The following PARP10 variants were observed in gnomAD, a reference collection of about 807,000 sequenced individuals.
PARP10 encodes poly(ADP-ribose) polymerase family member 10, also known as protein mono-ADP-ribosyltransferase PARP10.
Under a neutral mutation model 82.4 loss-of-function variants are expected in PARP10, and 56 were observed. The observed-to-expected ratio is 0.68, with a 90% confidence interval of 0.55 to 0.85. The LOEUF (loss-of-function observed/expected upper bound fraction) is 0.85, where lower values mean the gene tolerates loss of function less well. Ranked by LOEUF, PARP10 falls within the 40% of genes least tolerant of loss-of-function variation. The probability of loss-of-function intolerance (pLI) is 0.00; values close to 1 mark genes in which losing one functional copy is unlikely to be tolerated. For missense variants in PARP10, 1,227 were observed against 1,379.4 expected (o/e 0.89, Z 1.75); for synonymous variants, 576 against 601.1 (o/e 0.96, Z 0.61).
Position 143,977,571 on chromosome 8 carries a change from C to T in PARP10, c.2991G>A (p.Leu997=). 6.4e-7 allele frequency: 1 copy of T among 1,573,964 alleles called. No individual in the cohort carries two copies. ...IFVIFHDTQA[L]PTHLITCEHV... The stretch of plus-strand genomic sequence containing the variant: ...GCTCGCAGGTGATGAGGTGGGTGGG[C>T]AGCGCCTGGGTGTCGTGGAAGATGA... The change falls in exon 11 of 11, where the codon CTG becomes CTA. Residue 997 remains leucine, a synonymous_variant. Transcript: ENST00000313028.
intron 1 of PARP10, among the ~76,000 whole-genome samples, chr8:144,002,099 C>G (rs1554751738): frequency 6.6e-6 from 1 of 152,068 alleles, no homozygotes; most frequent in East Asian, 1.9e-4. Flanking sequence ...GATAATTGTA[C>G]AAGCTGGGTG....
At chr8:143,978,168 C>T in intron 9 of PARP10, 87 bp from the exon 10 acceptor site, 1 of 1,400,730 alleles carries the variant, frequency 7.1e-7, no homozygotes, top group Non-Finnish European at 9.4e-7. Context: ...CAACCAGGAG[C>T]CCTCTGTTGG....
At position 144,008,318 on chromosome 8, in the gene PARP10, A is replaced by T. The variant is rs187340793; in HGVS notation, c.-80+4212T>A. 6.6e-6 allele frequency among the ~76,000 whole-genome samples: 1 copy of T among 152,314 alleles called. No individual in the cohort carries two copies. On this transcript the variant is annotated intron_variant, in intron 1 of 3. Coordinates refer to the PARP10 transcript ENST00000530478. The surrounding 1 kb of genome is among the most constrained non-coding windows in gnomAD (Gnocchi z 4.0). ...TTCGGCAACTTTATGCCTTGAAAAG[A>T]CGGCTTCAGAAGGAAACTTATTAAA...
rs1346963195 is a variant in PARP10, at chr8:144,008,440, G to C, written c.-80+4090C>G. ...GAATCAAATGAGGCAAATTTGAATG[G>C]GGACAAACTGTGCAAAAGCCAGTGA... On this transcript the variant is annotated intron_variant, in intron 1 of 3. Transcript: ENST00000530478. The surrounding 1 kb of genome is among the most constrained non-coding windows in gnomAD (Gnocchi z 4.0). 2.0e-5 allele frequency among the ~76,000 whole-genome samples: 3 copies of C among 152,220 alleles called. No individual in the cohort carries two copies. The highest frequency in any genetic ancestry group is 7.2e-5 in the African/African-American group (3 of 41,458).
chr8:144,007,451 C>T (rs1457350039), intron 1 of PARP10, among the ~76,000 whole-genome samples: 1 of 152,214 alleles, frequency 6.6e-6, no homozygotes, highest in Admixed American at 6.5e-5. Flanking sequence ...GTTTCAACTG[C>T]TGGTATACAG....
chr8:143,994,149 C>T (rs1381276784), upstream of PARP10, among the ~76,000 whole-genome samples: 4 of 152,236 alleles, frequency 2.6e-5, no homozygotes, highest in East Asian at 1.9e-4. Flanking sequence ...CTGCATGCAG[C>T]GTGGCCTGAG....
intron 1 of PARP10, among the ~76,000 whole-genome samples, chr8:144,003,749 G>A (rs1420291360): frequency 2.0e-5 from 3 of 152,138 alleles, no homozygotes; most frequent in South Asian, 2.1e-4. Context: ...CATAGGGGCC[G>A]GCGCAGTGGC....
In PARP10 at chr8:143,985,957, G is replaced by T. The variant is rs1554749257; in HGVS notation, c.200C>A (p.Ala67Asp). 22 of 1,587,204 alleles carry T rather than the reference G, an allele frequency of 1.4e-5. No individual in the cohort carries two copies. Among genetic ancestry groups the T allele is most frequent in the Non-Finnish European group, 1.8e-5 (21 of 1,162,884 alleles). ...REPADAERVL[A>D]QADHELHGAQ... ...ACCATGTAGTTCGTGATCTGCCTGG[G>T]CCAAGACCCTCTCGGCGTCTGTGGG... Residue 67 changes from alanine (A) to aspartate (D), a missense_variant, in exon 3 of 11, where the codon GCC becomes GAC. Coordinates refer to ENST00000313028, the MANE Select transcript of PARP10 (RefSeq NM_032789.5).
chr8:143,983,144 C>T, intron 8 of PARP10, 23 bp downstream of exon 8: 1 of 1,612,086 alleles, frequency 6.2e-7, no homozygotes, highest in Non-Finnish European at 8.5e-7. Flanking sequence ...CCCACCGTCC[C>T]TCAGTCCAGG....
chr8:143,999,837 G>A (rs1269838963), intron 1 of PARP10, among the ~76,000 whole-genome samples: 2 of 152,182 alleles, frequency 1.3e-5, no homozygotes, highest in African/African-American at 2.4e-5. Flanking sequence ...AACTATTGGT[G>A]AACTGGAAGA....
rs144692936 is a variant in PARP10 at position 143,977,737 on chromosome 8, G to C, written c.2825C>G (p.Ala942Gly). 1 of 1,601,936 alleles carries C rather than the reference G, an allele frequency of 6.2e-7. No individual in the cohort carries two copies. Among genetic ancestry groups the C allele is most frequent in the Non-Finnish European group, 8.5e-7 (1 of 1,175,112 alleles). Residue 942 changes from alanine to glycine, a missense_variant, in exon 11 of 11, where the codon GCG (alanine) becomes GGG (glycine). By Grantham distance (60) the Ala-to-Gly change is moderately conservative. Coordinates refer to ENST00000313028, the MANE Select transcript of PARP10 (RefSeq NM_032789.5). ...AGTCAGCACCCGTGCCACGAACACC[G>C]CCTTATGGCCATCGGCGTTGGGGGG... ...YSPPNADGHK[A>G]VFVARVLTGD...
chr8:143,999,674 A>AT (rs1834187353), intron 1 of PARP10, among the ~76,000 whole-genome samples: 4 of 135,852 alleles, frequency 2.9e-5, no homozygotes, highest in Non-Finnish European at 6.4e-5. Context: ...TTTAATTTTT[A>AT]TTTTTTATAG....
Position 143,977,991 on chromosome 8 carries a change from G to C in PARP10, c.2647C>G (p.Gln883Glu). Reference sequence around the variant, plus strand: ...GCCGTCGTGCCGTGGTACAGCACCTGCTCCACCGGGCGCCGCTCGCATCGC... The same window carrying C: ...GCCGTCGTGCCGTGGTACAGCACCTCCTCCACCGGGCGCCGCTCGCATCGC... ...LQRCERRPVE[Q>E]VLYHGTTAPA... is the part of the protein sequence containing the mutation. The change falls in exon 10 of 11, where the codon CAG becomes GAG. Residue 883 changes from glutamine to glutamate, a missense_variant. Gln to Glu is a conservative substitution (Grantham distance 29). Transcript: ENST00000313028. 1 of 1,593,228 alleles carries C rather than the reference G, an allele frequency of 6.3e-7. No individual in the cohort carries two copies. Among genetic ancestry groups the C allele is most frequent in the Non-Finnish European group, 8.5e-7 (1 of 1,176,056 alleles).
intron 1 of PARP10, among the ~76,000 whole-genome samples, chr8:143,999,614 A>G (rs558577987): frequency 6.6e-5 from 10 of 151,348 alleles, no homozygotes; most frequent in African/African-American, 2.4e-4. Context: ...GACCTCCTGA[A>G]GTGCTGGGAT....
intron 1 of PARP10, chr8:144,012,316 G>C: frequency 1.7e-6 from 1 of 597,206 alleles, no homozygotes; most frequent in South Asian, 2.0e-5. Context: ...GTACAGGCCT[G>C]GTGGCATGGA....
rs1254206683 is a variant in PARP10, at chr8:143,998,959, AAAAG to A, written c.-79-12525_-79-12522del. ...AGTGAGACCCTGTTTAAAAAAAAAAAAAAGAATCAAATCAAGCTTTTCTTTAATT... is the reference window on the plus strand; with the variant it reads ...AGTGAGACCCTGTTTAAAAAAAAAAAAATCAAATCAAGCTTTTCTTTAATT... On this transcript the variant is annotated intron_variant, in intron 1 of 3. Transcript: ENST00000530478. Among the ~76,000 whole-genome samples the A allele has an allele frequency of 2.6e-4, 37 of 140,450 alleles. 2 individuals are homozygous for A. Among genetic ancestry groups the A allele is most frequent in the Non-Finnish European group, 1.6e-5 (1 of 61,670 alleles). 92.1% of individuals were successfully genotyped at this position (140,450 alleles called of 152,430 possible).
At position 143,977,477 on chromosome 8, in the gene PARP10, C is replaced by T. The variant is rs782724438; in HGVS notation, c.*7G>A. ...GGAAGCAGGAGGCCAGAGGGTGGCC[C>T]CTTCGGTTAAGTGTCTGGGGAGCGG... On this transcript the variant is annotated 3_prime_UTR_variant, in exon 11 of 11. Coordinates refer to ENST00000313028, the MANE Select transcript of PARP10 (RefSeq NM_032789.5). 6 of 1,537,002 alleles carry T rather than the reference C, an allele frequency of 3.9e-6. No homozygotes were observed. The highest frequency in any genetic ancestry group is 5.3e-6 in the Non-Finnish European group (6 of 1,139,444).
intron 9 of PARP10, among the ~76,000 whole-genome samples, chr8:143,981,301 T>G (rs1833843225): frequency 6.7e-6 from 1 of 148,820 alleles, no homozygotes. Flanking sequence ...ACGGTGGTGG[T>G]GGTAGTGGTG....
chr8:143,980,318 TCAAAAAAAAAAAAAAA>T (rs1833820087), intron 9 of PARP10, among the ~76,000 whole-genome samples: 1 of 15,666 alleles, frequency 6.4e-5, no homozygotes, highest in African/African-American at 1.4e-4. Flanking sequence ...AGATTCCGTC[TCAAAAAAAAAAAAAAA>T]AAAAAAAAAA....
Sources: allele counts gnomAD v4.1 joint callset (sites outside exome capture counted in the v4.1 genomes callset), GRCh38; gene constraint gnomAD v4.1.1; non-coding constraint Gnocchi (gnomAD v3.1); transcripts MANE v1.5; gene names NCBI Gene and HGNC (gene_info 2026-07-23, HGNC 2026-07-21).